NFIB: variants seen among roughly 807,000 people sequenced by gnomAD.
NFIB encodes nuclear factor 1 B-type.
In NFIB, 11 loss-of-function variants were observed where a neutral mutation model predicts 61.5. That is an observed-to-expected ratio of 0.18 (90% CI 0.11 to 0.30). The LOEUF (loss-of-function observed/expected upper bound fraction) is 0.30. Among genes scored for constraint, NFIB ranks in the 10% least tolerant of loss-of-function variants. The pLI is 1.00. For missense variants in NFIB, 471 were observed against 608.9 expected, an observed-to-expected ratio of 0.77 and a Z score of 2.38; for synonymous variants, 260 against 216.5, an observed-to-expected ratio of 1.20 and a Z score of -1.76.
the NFIB span, among the ~76,000 whole-genome samples, chr9:14,415,885 G>C: frequency 3.3e-5 from 5 of 152,030 alleles, no homozygotes; most frequent in African/African-American, 1.2e-4. Flanking sequence ...CCTTACAGAT[G>C]GAAATTGGCC....
chr9:14,527,757 T>C, the NFIB span, among the ~76,000 whole-genome samples: 1 of 152,210 alleles, frequency 6.6e-6, no homozygotes, highest in Non-Finnish European at 1.5e-5. Flanking sequence ...CTAGTTGTTA[T>C]GGTTATTATA....
At chr9:14,193,025 T>TA (rs544841160) in intron 2 of NFIB, among the ~76,000 whole-genome samples, 11 of 151,796 alleles carry the variant, frequency 7.2e-5, no homozygotes, top group South Asian at 4.2e-4. Context: ...TCTCATCTTT[T>TA]AAAAAAAAGA....
At chr9:14,524,972 C>A in the NFIB span, among the ~76,000 whole-genome samples, 2 of 152,200 alleles carry the variant, frequency 1.3e-5, no homozygotes, top group East Asian at 3.8e-4. Flanking sequence ...AAACAGATAT[C>A]ATCAAAACCT....
At chr9:14,352,677 A>G (rs2061127719) in intron 1 of NFIB, among the ~76,000 whole-genome samples, 1 of 152,232 alleles carries the variant, frequency 6.6e-6, no homozygotes, top group Admixed American at 6.5e-5. Flanking sequence ...TCCTGAGGCA[A>G]GCCTCTAAGC....
chr9:14,465,918 C>T, the NFIB span, among the ~76,000 whole-genome samples: 35 of 152,116 alleles, frequency 2.3e-4, no homozygotes, highest in Admixed American at 2.0e-4. Flanking sequence ...CAGACAGTGC[C>T]AAATGTCCCC....
intron 1 of NFIB, among the ~76,000 whole-genome samples, chr9:14,338,116 C>T (rs1243388065): frequency 1.3e-5 from 2 of 152,110 alleles, no homozygotes; most frequent in African/African-American, 2.4e-5. Context: ...AATACGTAGC[C>T]GGGCGCAGTG....
intron 1 of NFIB, among the ~76,000 whole-genome samples, chr9:14,390,626 G>A (rs146137857): frequency 6.6e-6 from 1 of 152,318 alleles, no homozygotes; most frequent in East Asian, 1.9e-4. Flanking sequence ...ATGTTATTTG[G>A]AGGTGAAGCT....
chr9:14,477,824 T>C, the NFIB span, among the ~76,000 whole-genome samples: 8 of 152,186 alleles, frequency 5.3e-5, no homozygotes, highest in African/African-American at 1.9e-4. Context: ...CTTTTGTAGG[T>C]AGAATATCTA....
the NFIB span, among the ~76,000 whole-genome samples, chr9:14,435,001 T>A: frequency 6.6e-6 from 1 of 152,216 alleles, no homozygotes; most frequent in Admixed American, 6.5e-5. Flanking sequence ...AGAGAAAAGT[T>A]TCACATAAAT....
the NFIB span, among the ~76,000 whole-genome samples, chr9:14,501,506 C>T: frequency 6.6e-6 from 1 of 152,208 alleles, no homozygotes; most frequent in Non-Finnish European, 1.5e-5. Context: ...GCTTTTTCAT[C>T]TGTAAAATTG....
Position 14,171,860 on chromosome 9 carries a change from C to T in NFIB, c.616+7867G>A, listed in dbSNP as rs113880392. On this transcript the variant is annotated intron_variant, in intron 3 of 10. Transcript: ENST00000380953. Reference sequence around the variant, plus strand: ...GAGAGAGAGGTATTTCAAAGGTAAACATCTAGGAGAAAAGGTTAATATACT... The same window carrying T: ...GAGAGAGAGGTATTTCAAAGGTAAATATCTAGGAGAAAAGGTTAATATACT... Among the ~76,000 whole-genome samples the T allele has an allele frequency of 5.0e-3, 762 of 152,168 alleles. 10 individuals carry two copies. Among genetic ancestry groups the T allele is most frequent in the African/African-American group, 0.017 (726 of 41,522 alleles).
chr9:14,419,125 G>A, the NFIB span, among the ~76,000 whole-genome samples: 6 of 151,780 alleles, frequency 4.0e-5, no homozygotes, highest in African/African-American at 1.2e-4. Flanking sequence ...CAAAAAAATA[G>A]AGGTTTGTTG....
At chr9:14,167,187 C>A (rs565657582) in intron 3 of NFIB, among the ~76,000 whole-genome samples, 1 of 151,622 alleles carries the variant, frequency 6.6e-6, no homozygotes, top group African/African-American at 2.4e-5. Flanking sequence ...TAGACGAAAC[C>A]TTTGGGATTA....
At chr9:14,449,030 C>A in the NFIB span, among the ~76,000 whole-genome samples, 1 of 152,066 alleles carries the variant, frequency 6.6e-6, no homozygotes, top group Non-Finnish European at 1.5e-5. Context: ...GATGGATGAT[C>A]AAAGATTGAA....
chr9:14,483,828 T>A, the NFIB span, among the ~76,000 whole-genome samples: 2 of 152,236 alleles, frequency 1.3e-5, no homozygotes, highest in African/African-American at 4.8e-5. Flanking sequence ...CTGCTGCCTA[T>A]TTTTTATCAA....
chr9:14,132,775 AG>A (rs1161409444), intron 6 of NFIB, among the ~76,000 whole-genome samples: 3 of 152,176 alleles, frequency 2.0e-5, no homozygotes, highest in Non-Finnish European at 4.4e-5. Flanking sequence ...TATATTGCCC[AG>A]GCTGGTCTGG....
intron 2 of NFIB, among the ~76,000 whole-genome samples, chr9:14,280,670 A>AG (rs917623802): frequency 6.6e-6 from 1 of 152,118 alleles, no homozygotes; most frequent in Non-Finnish European, 1.5e-5. Context: ...ACGTTAGGCA[A>AG]GGGGGGACTC....
At chr9:14,287,224 G>A (rs1469524525) in intron 2 of NFIB, among the ~76,000 whole-genome samples, 2 of 151,206 alleles carry the variant, frequency 1.3e-5, no homozygotes, top group Non-Finnish European at 1.5e-5. Flanking sequence ...GAGGTCAGGA[G>A]ATCGAGACCA....
chr9:14,201,259 A>G (rs1232644229), intron 2 of NFIB, among the ~76,000 whole-genome samples: 1 of 152,184 alleles, frequency 6.6e-6, no homozygotes, highest in Non-Finnish European at 1.5e-5. Context: ...ATTGCTAGCT[A>G]GGATAATCTA....
Sources: gnomAD v4.1 joint callset for allele counts (sites outside exome capture counted in the v4.1 genomes callset) on GRCh38, gnomAD v4.1.1 for gene constraint, MANE v1.5 for transcripts, NCBI Gene and HGNC (gene_info 2026-07-23, HGNC 2026-07-21) for gene names.